The following NRXN1 variants were observed in gnomAD, a reference collection of about 807,000 sequenced individuals.
The protein encoded by NRXN1 is neurexin 1.
NRXN1 carries 39 observed loss-of-function variants against 150.9 expected under a neutral mutation model. That is an observed-to-expected ratio of 0.26 (90% CI 0.20 to 0.34). NRXN1 has a LOEUF of 0.34. Among genes scored for constraint, NRXN1 ranks in the 10% least tolerant of loss-of-function variants. NRXN1 has a pLI of 1.00. For missense variants in NRXN1, 1,815 were observed against 1,949.9 expected (o/e 0.93, Z 1.30); for synonymous variants, 924 against 757.0 (o/e 1.22, Z -3.62).
intron 5 of NRXN1, among the ~76,000 whole-genome samples, chr2:50,830,173 T>C (rs1232527461): frequency 6.6e-6 from 1 of 152,110 alleles, no homozygotes; most frequent in African/African-American, 2.4e-5. Flanking sequence ...TGCTCTTCAA[T>C]AGATTCAGCT....
intron 19 of NRXN1, among the ~76,000 whole-genome samples, chr2:50,068,723 G>T (rs1350897570): frequency 6.6e-6 from 1 of 152,120 alleles, no homozygotes; most frequent in Non-Finnish European, 1.5e-5. Context: ...TCTCTAGTAT[G>T]ATGTGCCTTA....
rs2078018465 is a variant in NRXN1, at chr2:50,346,808, C to G, written c.3365-109838G>C. The G allele has an allele frequency of 6.2e-7, 1 of 1,613,220 alleles. No individual in the cohort carries two copies. Among genetic ancestry groups the G allele is most frequent in the East Asian group, 2.2e-5 (1 of 44,802 alleles). On this transcript the variant is annotated intron_variant, in intron 17 of 22. Coordinates refer to ENST00000401669, the MANE Select transcript of NRXN1 (RefSeq NM_001330078.2). The surrounding 1 kb of genome is among the most constrained non-coding windows in gnomAD (Gnocchi z 5.0). The stretch of plus-strand genomic sequence containing the variant: ...GCTCCCAAACTGGATGCCCCCCACG[C>G]CACTCCTAGGAGGCCGCTGAGGGTG...
intron 17 of NRXN1, among the ~76,000 whole-genome samples, chr2:50,248,528 T>C (rs1308091920): frequency 6.6e-6 from 1 of 152,166 alleles, no homozygotes; most frequent in Non-Finnish European, 1.5e-5. Context: ...ATTAAGTCTT[T>C]AAAATGAACA....
chr2:50,252,182 CT>C (rs200826084), intron 17 of NRXN1, among the ~76,000 whole-genome samples: 5,237 of 126,102 alleles, frequency 0.042, 134 homozygotes, highest in South Asian at 0.079. Context: ...ACATTTAAGT[CT>C]TTTTTTTTTT....
At chr2:50,803,052 C>T (rs2105708393) in intron 5 of NRXN1, among the ~76,000 whole-genome samples, 1 of 151,846 alleles carries the variant, frequency 6.6e-6, no homozygotes, top group African/African-American at 2.4e-5. Flanking sequence ...TTGTGGTAGC[C>T]CTAAACAACA....
At chr2:50,111,943 G>A (rs1022090073) in intron 18 of NRXN1, among the ~76,000 whole-genome samples, 4 of 151,830 alleles carry the variant, frequency 2.6e-5, no homozygotes, top group South Asian at 4.2e-4. Context: ...GTACCAAACC[G>A]TAAGATATAA....
chr2:50,683,624 T>A (rs1375626830), intron 5 of NRXN1, among the ~76,000 whole-genome samples: 1 of 20,210 alleles, frequency 4.9e-5, no homozygotes, highest in Non-Finnish European at 8.5e-5. Context: ...AGAGCAAGAC[T>A]CCGTCTCAAA....
At chr2:50,823,691 T>C (rs1670047685) in intron 5 of NRXN1, among the ~76,000 whole-genome samples, 1 of 152,162 alleles carries the variant, frequency 6.6e-6, no homozygotes, top group Non-Finnish European at 1.5e-5. Flanking sequence ...AATAATGATT[T>C]ATGGGTCCTA....
intron 5 of NRXN1, among the ~76,000 whole-genome samples, chr2:50,649,259 TACACACACACACAC>T (rs10634117): frequency 3.5e-5 from 5 of 143,244 alleles, no homozygotes; most frequent in African/African-American, 5.2e-5. Flanking sequence ...CATACACACA[TACACACACACACAC>T]ACACACACAC....
At chr2:50,079,129 G>C (rs1006007158) in intron 19 of NRXN1, among the ~76,000 whole-genome samples, 3 of 151,804 alleles carry the variant, frequency 2.0e-5, no homozygotes, top group Admixed American at 6.6e-5. Context: ...ATATCTCTAT[G>C]GGTTCATAGA....
chr2:50,688,770 A>C (rs2104858238), intron 5 of NRXN1, among the ~76,000 whole-genome samples: 1 of 152,304 alleles, frequency 6.6e-6, no homozygotes, highest in Non-Finnish European at 1.5e-5. Context: ...AAAGAGTAAA[A>C]TTAGTCTGAA....
At chr2:50,062,062 G>A (rs932920357) in intron 19 of NRXN1, among the ~76,000 whole-genome samples, 6 of 152,170 alleles carry the variant, frequency 3.9e-5, no homozygotes, top group South Asian at 2.1e-4. Context: ...CTTCAAACAA[G>A]TTTCCTGGGG....
chr2:50,245,398 T>C (rs2066404477), intron 17 of NRXN1, among the ~76,000 whole-genome samples: 1 of 151,912 alleles, frequency 6.6e-6, no homozygotes, highest in Non-Finnish European at 1.5e-5. Flanking sequence ...ATCAAATGCT[T>C]ATGTCTTCCC....
chr2:49,994,022 A>T (rs1682491444), intron 21 of NRXN1, among the ~76,000 whole-genome samples: 1 of 152,194 alleles, frequency 6.6e-6, no homozygotes, highest in South Asian at 2.1e-4. Flanking sequence ...CTCAGGAACA[A>T]TACAGAAACT....
chr2:50,113,447 T>C (rs1001028666), intron 18 of NRXN1, among the ~76,000 whole-genome samples: 4 of 152,230 alleles, frequency 2.6e-5, no homozygotes, highest in Non-Finnish European at 5.9e-5. Context: ...TATCTGCTTT[T>C]CTCTATTGCT....
chr2:50,820,761 C>T (rs1234224449), intron 5 of NRXN1, among the ~76,000 whole-genome samples: 1 of 152,032 alleles, frequency 6.6e-6, no homozygotes, highest in African/African-American at 2.4e-5. Context: ...GTTCCAGTTT[C>T]CAGATGTCGC....
chr2:50,865,580 A>ATGTGTGTGTGTGTGTGTG lies in NRXN1; in HGVS notation c.832+56271_832+56288dup, dbSNP rs112867077. 6.5e-3 allele frequency among the ~76,000 whole-genome samples: 847 copies of ATGTGTGTGTGTGTGTGTG among 130,736 alleles called. 6 individuals are homozygous for ATGTGTGTGTGTGTGTGTG. Among genetic ancestry groups the ATGTGTGTGTGTGTGTGTG allele is most frequent in the African/African-American group, 0.01 (364 of 34,896 alleles). The allele number at this position is 130,736 out of a possible 152,430, so 85.8% of individuals were successfully genotyped here. On this transcript the variant is annotated intron_variant, in intron 5 of 22. Coordinates refer to ENST00000401669, the MANE Select transcript of NRXN1 (RefSeq NM_001330078.2). ...TCTCTAAGTGGCTCCAAATATATAA[A>ATGTGTGTGTGTGTGTGTG]TGTGTGTGTGTGTGTGTGTGTGTGT...
intron 5 of NRXN1, among the ~76,000 whole-genome samples, chr2:50,857,535 G>C (rs370231648): frequency 2.2e-4 from 34 of 152,128 alleles, no homozygotes; most frequent in African/African-American, 7.7e-4. Flanking sequence ...GAAAAATGAA[G>C]AAGCAGTTAA....
At chr2:49,995,152 A>C (rs1341126044) in intron 21 of NRXN1, among the ~76,000 whole-genome samples, 1 of 152,220 alleles carries the variant, frequency 6.6e-6, no homozygotes, top group East Asian at 1.9e-4. Flanking sequence ...ACATCTGTCA[A>C]ATCTGTAGAG....
Sources: gnomAD v4.1 joint callset for allele counts (sites outside exome capture counted in the v4.1 genomes callset) on GRCh38, gnomAD v4.1.1 for gene constraint, Gnocchi (gnomAD v3.1) non-coding constraint, MANE v1.5 for transcripts, NCBI Gene and HGNC (gene_info 2026-07-23, HGNC 2026-07-21) for gene names.